MED13L: variants seen among roughly 807,000 people sequenced by gnomAD.
MED13L encodes mediator of RNA polymerase II transcription subunit 13-like.
Under a neutral mutation model 220.9 loss-of-function variants are expected in MED13L, and 7 were observed. The ratio of observed to expected loss-of-function variants is 0.03; its 90% CI spans 0.02 to 0.06. The LOEUF is 0.06. Among genes scored for constraint, MED13L ranks in the 10% least tolerant of loss-of-function variants. The probability of loss-of-function intolerance (pLI) is 1.00; values close to 1 mark genes in which losing one functional copy is unlikely to be tolerated. For missense variants in MED13L, 1,965 were observed against 2,760.5 expected, an observed-to-expected ratio of 0.71 and a Z score of 6.46; for synonymous variants, 1,011 against 1,015.2, an observed-to-expected ratio of 1.00 and a Z score of 0.08.
chr12:115,973,522 T>C (rs1468253859), intron 25 of MED13L, among the ~76,000 whole-genome samples: 3 of 152,320 alleles, frequency 2.0e-5, no homozygotes, highest in Non-Finnish European at 4.4e-5. Flanking sequence ...ACAAAAATCA[T>C]ACAAAGGAAG....
At chr12:116,096,836 A>G in intron 3 of MED13L, 84 bp from the exon 4 acceptor site, 2 of 939,570 alleles carry the variant, frequency 2.1e-6, no homozygotes, top group Non-Finnish European at 3.5e-6. Flanking sequence ...GATGAGATAT[A>G]TCACCAAAAA....
chr12:116,063,471 T>A (rs763583399), intron 4 of MED13L, among the ~76,000 whole-genome samples: 1 of 152,188 alleles, frequency 6.6e-6, no homozygotes, highest in Admixed American at 6.5e-5. Flanking sequence ...TGAGCTGTGA[T>A]CGTGCCACTG....
intron 2 of MED13L, among the ~76,000 whole-genome samples, chr12:116,134,844 T>C (rs1312939340): frequency 6.6e-6 from 1 of 152,028 alleles, no homozygotes; most frequent in Non-Finnish European, 1.5e-5. Flanking sequence ...AAATAGGATT[T>C]ATGGTTGCTT....
intron 2 of MED13L, among the ~76,000 whole-genome samples, chr12:116,172,153 A>T (rs1477587088): frequency 6.6e-6 from 1 of 152,330 alleles, no homozygotes; most frequent in East Asian, 1.9e-4. Flanking sequence ...ATCCCCTAAC[A>T]CACACCCTAT....
chr12:116,019,743 G>A (rs1405028854), intron 6 of MED13L, 35 bp downstream of exon 6: 5 of 1,579,678 alleles, frequency 3.2e-6, no homozygotes, highest in Admixed American at 3.3e-5. Flanking sequence ...AGAGGAAGAA[G>A]AATAAAGTTC....
At chr12:116,111,305 G>T in intron 3 of MED13L, 123 bp downstream of exon 3, 1 of 790,738 alleles carries the variant, frequency 1.3e-6, no homozygotes, top group Non-Finnish European at 2.2e-6. Context: ...AAAGATTTAT[G>T]TAATTTTCAT....
At chr12:116,000,766 C>T (rs1380157369) in intron 14 of MED13L, among the ~76,000 whole-genome samples, 3 of 152,056 alleles carry the variant, frequency 2.0e-5, no homozygotes, top group Non-Finnish European at 2.9e-5. Flanking sequence ...TAAAGTAAAC[C>T]TATTTGTCAC....
chr12:116,053,999 C>G (rs1449776974), intron 4 of MED13L, among the ~76,000 whole-genome samples: 1 of 152,108 alleles, frequency 6.6e-6, no homozygotes, highest in Non-Finnish European at 1.5e-5. Flanking sequence ...AGTGTTTCAT[C>G]ACATCTACTT....
chr12:116,253,508 G>A (rs986923114), intron 1 of MED13L, among the ~76,000 whole-genome samples: 6 of 151,818 alleles, frequency 4.0e-5, no homozygotes, highest in Admixed American at 2.0e-4. Context: ...AAATGTACAC[G>A]CCAATATCCT....
intron 2 of MED13L, among the ~76,000 whole-genome samples, chr12:116,186,469 CT>C (rs892250384): frequency 3.3e-5 from 5 of 151,750 alleles, no homozygotes; most frequent in African/African-American, 7.3e-5. Flanking sequence ...ACACAGCAAA[CT>C]TTTTTTTTCC....
intron 4 of MED13L, among the ~76,000 whole-genome samples, chr12:116,073,070 G>A (rs1870505788): frequency 6.6e-6 from 1 of 152,168 alleles, no homozygotes; most frequent in Admixed American, 6.5e-5. Flanking sequence ...GAATATATTA[G>A]AGACCATTCA....
chr12:116,166,873 C>T (rs1879322175), intron 2 of MED13L, among the ~76,000 whole-genome samples: 1 of 152,128 alleles, frequency 6.6e-6, no homozygotes, highest in South Asian at 2.1e-4. Context: ...AATAAATATG[C>T]ATCATTCAAT....
chr12:116,227,531 A>G (rs929085137), intron 2 of MED13L, among the ~76,000 whole-genome samples: 3 of 152,142 alleles, frequency 2.0e-5, no homozygotes, highest in Admixed American at 6.5e-5. Context: ...AAACATTTTC[A>G]TTATTATAAT....
chr12:116,276,778 A>T, intron 1 of MED13L: 1 of 1,286,646 alleles, frequency 7.8e-7, no homozygotes, highest in South Asian at 1.5e-5. Context: ...TGGGCGTTCG[A>T]AGTGCGACCC....
chr12:115,986,834 G>C (rs1381971354), intron 18 of MED13L, among the ~76,000 whole-genome samples: 1 of 152,138 alleles, frequency 6.6e-6, no homozygotes, highest in Non-Finnish European at 1.5e-5. Flanking sequence ...AGTCCATCCA[G>C]ATGAAAATGC....
At chr12:115,970,180 A>T (rs1297748535) in intron 27 of MED13L, among the ~76,000 whole-genome samples, 2 of 152,190 alleles carry the variant, frequency 1.3e-5, no homozygotes, top group African/African-American at 2.4e-5. Flanking sequence ...TCCATTAAGA[A>T]TAATCAAATA....
rs749844719 is a variant in MED13L at position 115,984,297 on chromosome 12, C to T, written c.4414G>A (p.Ala1472Thr). 2 of 1,614,092 alleles carry T rather than the reference C, an allele frequency of 1.2e-6. No homozygotes were observed. The highest frequency in any genetic ancestry group is 1.7e-5 in the Admixed American group (1 of 60,016). The change falls in exon 20 of 31, where the codon GCA becomes ACA. Residue 1472 changes from alanine (A) to threonine (T), a missense_variant. By Grantham distance (58) the Ala-to-Thr change is moderately conservative (BLOSUM62 0). This residue lies in a region of MED13L where 510 missense variants were observed against 620.4 expected (regional missense o/e 0.82). Coordinates refer to ENST00000281928, the MANE Select transcript of MED13L (RefSeq NM_015335.5). The stretch of plus-strand genomic sequence containing the variant: ...ACAAGCTCATCTGTCAGCTTCTGTG[C>T]CACAGTTTTTCCCACGCGCATGATC... ...DGIMRVGKTV[A>T]QKLTDELVSE...
intron 4 of MED13L, among the ~76,000 whole-genome samples, chr12:116,044,128 T>C (rs1304091703): frequency 2.0e-5 from 3 of 152,198 alleles, no homozygotes; most frequent in African/African-American, 7.2e-5. Flanking sequence ...TCTTTTTTGT[T>C]CCTGGATCTT....
At position 115,983,496 on chromosome 12, in the gene MED13L, G is replaced by T. The variant is rs752521430; in HGVS notation, c.4576C>A (p.Pro1526Thr). The change falls in exon 21 of 31, where the codon CCA becomes ACA. Residue 1526 changes from proline (P) to threonine (T), a missense_variant. Pro to Thr is a conservative substitution (Grantham distance 38). Around this residue, in one of 10 missense-constraint regions of MED13L, gnomAD observed 510 missense variants for 620.4 expected, o/e 0.82. Coordinates refer to ENST00000281928, the MANE Select transcript of MED13L (RefSeq NM_015335.5). ...TLQLDSSLLI[P>T]PKYQTPPAAA... ...GCTGGTGGGGTCTGGTATTTAGGTGGTATCAATAGGCTGCTATCAAGCTGC... is the reference window on the plus strand; with the variant it reads ...GCTGGTGGGGTCTGGTATTTAGGTGTTATCAATAGGCTGCTATCAAGCTGC... The T allele has an allele frequency of 5.0e-6, 8 of 1,614,050 alleles. No individual in the cohort carries two copies. The highest frequency in any genetic ancestry group is 6.8e-6 in the Non-Finnish European group (8 of 1,180,024).
Sources: gnomAD v4.1 joint callset for allele counts (sites outside exome capture counted in the v4.1 genomes callset) on GRCh38, gnomAD v4.1.1 for gene constraint, gnomAD v4.1.1 regional missense constraint, MANE v1.5 for transcripts, NCBI Gene and HGNC (gene_info 2026-07-23, HGNC 2026-07-21) for gene names.